Variants in UBR3 observed in about 807,000 individuals in gnomAD.
UBR3 encodes the protein E3 ubiquitin-protein ligase UBR3.
In UBR3, 85 loss-of-function variants were observed where a neutral mutation model predicts 243.2. The observed-to-expected ratio is 0.35, with a 90% confidence interval of 0.29 to 0.42. The LOEUF (loss-of-function observed/expected upper bound fraction) is 0.42, where lower values mean the gene tolerates loss of function less well. Ranked by LOEUF, UBR3 falls within the 10% of genes least tolerant of loss-of-function variation. The pLI, the probability that UBR3 is intolerant of heterozygous loss-of-function variation, is 1.00. For synonymous variants in UBR3, 748 were observed against 799.8 expected (o/e 0.94, Z 1.09); for missense variants, 1,686 against 2,300.8 (o/e 0.73, Z 5.47).
intron 30 of UBR3, among the ~76,000 whole-genome samples, chr2:170,024,227 G>A (rs2090466486): frequency 6.6e-6 from 1 of 151,834 alleles, no homozygotes; most frequent in East Asian, 1.9e-4. Flanking sequence ...GGTGGTGGGA[G>A]CCTGTAATCC....
intron 33 of UBR3, among the ~76,000 whole-genome samples, chr2:170,059,543 T>G (rs998939590): frequency 1.3e-5 from 2 of 152,200 alleles, no homozygotes; most frequent in Admixed American, 6.5e-5. Flanking sequence ...TAAATCAATT[T>G]TAAAAACATG....
Position 169,867,579 on chromosome 2 carries a change from A to G in UBR3, c.546-4657A>G, listed in dbSNP as rs372178953. ...TGTGTTACGAACATTTACAATTTTA[A>G]TAGATATGGTCAAGTGCCACCAAAA... On this transcript the variant is annotated intron_variant, in intron 1 of 38. Transcript: ENST00000272793. Among the ~76,000 whole-genome samples, 34 of 152,364 alleles carry G rather than the reference A, an allele frequency of 2.2e-4. No individual in the cohort carries two copies. The South Asian group carries it at 7.0e-3, about 32-fold the overall frequency.
intron 1 of UBR3, among the ~76,000 whole-genome samples, chr2:169,863,728 C>T (rs768159711): frequency 6.6e-6 from 1 of 152,180 alleles, no homozygotes; most frequent in Non-Finnish European, 1.5e-5. Context: ...TTTTGGTTAG[C>T]TCACTTGACT....
chr2:169,913,211 G>T (rs1177242101), intron 10 of UBR3, among the ~76,000 whole-genome samples: 4 of 152,146 alleles, frequency 2.6e-5, no homozygotes, highest in African/African-American at 9.7e-5. Context: ...TCTCTAGTTG[G>T]TGTGAATTGG....
chr2:169,884,828 G>C (rs944612057), intron 5 of UBR3, among the ~76,000 whole-genome samples: 1 of 152,018 alleles, frequency 6.6e-6, no homozygotes, highest in South Asian at 2.1e-4. Flanking sequence ...TTTTACTTTT[G>C]TTCTTCTCAA....
At chr2:169,856,659 C>T (rs1324411414) in intron 1 of UBR3, among the ~76,000 whole-genome samples, 2 of 152,184 alleles carry the variant, frequency 1.3e-5, no homozygotes, top group African/African-American at 2.4e-5. Flanking sequence ...GGCGAAACCC[C>T]GTCTCCACCA....
intron 24 of UBR3, among the ~76,000 whole-genome samples, chr2:169,976,748 G>A (rs187268028): frequency 4.6e-5 from 7 of 152,114 alleles, no homozygotes; most frequent in Non-Finnish European, 1.5e-5. Flanking sequence ...ACCTTTTTGA[G>A]TCTAATCTAT....
chr2:169,865,154 C>T (rs2083216428), intron 1 of UBR3, among the ~76,000 whole-genome samples: 1 of 151,810 alleles, frequency 6.6e-6, no homozygotes, highest in Non-Finnish European at 1.5e-5. Flanking sequence ...TTTTCTAAGA[C>T]TTGATAAAAT....
intron 32 of UBR3, among the ~76,000 whole-genome samples, chr2:170,053,746 T>C (rs2091274642): frequency 1.3e-5 from 2 of 152,194 alleles, no homozygotes; most frequent in African/African-American, 4.8e-5. Context: ...ATTATTTTAA[T>C]GGGGAAATTG....
At chr2:169,903,828 G>T (rs1041779000) in intron 8 of UBR3, among the ~76,000 whole-genome samples, 7 of 152,076 alleles carry the variant, frequency 4.6e-5, no homozygotes, top group Middle Eastern at 3.2e-3. Context: ...TGAGTCCAGC[G>T]TGGGCAACAT....
At chr2:170,042,297 A>T (rs752023705) in intron 32 of UBR3, among the ~76,000 whole-genome samples, 6 of 151,922 alleles carry the variant, frequency 3.9e-5, no homozygotes, top group Non-Finnish European at 8.8e-5. Context: ...ATGTATCATT[A>T]CTTCATTTAT....
chr2:169,890,285 C>T (rs1429313381), intron 5 of UBR3, among the ~76,000 whole-genome samples: 1 of 151,980 alleles, frequency 6.6e-6, no homozygotes, highest in Non-Finnish European at 1.5e-5. Flanking sequence ...CTTTGCTCCT[C>T]TTCCCTCTGC....
chr2:169,915,418 T>C (rs932080130), intron 11 of UBR3, among the ~76,000 whole-genome samples: 28 of 152,102 alleles, frequency 1.8e-4, no homozygotes, highest in African/African-American at 6.3e-4. Context: ...GTATTTTTAG[T>C]AGGGACGGAG....
chr2:169,936,833 C>T (rs973132842), intron 19 of UBR3, among the ~76,000 whole-genome samples: 39 of 152,140 alleles, frequency 2.6e-4, no homozygotes, highest in African/African-American at 9.2e-4. Flanking sequence ...CATCCATGTC[C>T]GTACAAAGGA....
chr2:169,844,497 T>C (rs1246782049), intron 1 of UBR3, among the ~76,000 whole-genome samples: 1 of 148,934 alleles, frequency 6.7e-6, no homozygotes, highest in Non-Finnish European at 1.5e-5. Flanking sequence ...TCTCTCTTTT[T>C]TTTTTTTTTT....
chr2:169,933,107 A>G, intron 19 of UBR3, 99 bp downstream of exon 19: 1 of 749,968 alleles, frequency 1.3e-6, no homozygotes, highest in South Asian at 2.2e-5. Flanking sequence ...ATTAAAGTAT[A>G]CTTTCATTCT....
chr2:169,993,798 C>T (rs1359017624), intron 25 of UBR3, among the ~76,000 whole-genome samples: 1 of 152,096 alleles, frequency 6.6e-6, no homozygotes, highest in East Asian at 1.9e-4. Context: ...TTATCTATTA[C>T]TATTATTATT....
chr2:170,005,887 G>A (rs188235886), intron 27 of UBR3, among the ~76,000 whole-genome samples: 122 of 152,226 alleles, frequency 8.0e-4, no homozygotes, highest in African/African-American at 2.7e-3. Context: ...GAAAAGGATA[G>A]TATTGCTAAA....
chr2:169,927,055 A>T, intron 16 of UBR3, 84 bp downstream of exon 16: 1 of 1,428,414 alleles, frequency 7.0e-7, no homozygotes, highest in South Asian at 1.3e-5. Context: ...TGGCTTAGGG[A>T]AAAAAGGAAA....
Sources: gnomAD v4.1 joint callset for allele counts (sites outside exome capture counted in the v4.1 genomes callset) on GRCh38, gnomAD v4.1.1 for gene constraint, MANE v1.5 for transcripts, NCBI Gene and HGNC (gene_info 2026-07-23, HGNC 2026-07-21) for gene names.